PCDHGB6: variants seen among roughly 807,000 people sequenced by gnomAD.
PCDHGB6 encodes protocadherin gamma-B6.
A neutral mutation model predicts 59.1 loss-of-function variants in PCDHGB6; 51 were observed. The observed-to-expected ratio is 0.86, with a 90% CI of 0.69 to 1.09. The LOEUF (loss-of-function observed/expected upper bound fraction) is 1.09, where lower values mean the gene tolerates loss of function less well. Among genes scored for constraint, PCDHGB6 ranks in the 50% least tolerant of loss-of-function variants. PCDHGB6 has a pLI of 0.00. For missense variants in PCDHGB6, 1,148 were observed against 1,205.1 expected, an observed-to-expected ratio of 0.95 and a Z score of 0.70; for synonymous variants, 466 against 495.1, an observed-to-expected ratio of 0.94 and a Z score of 0.78.
chr5:141,422,691 C>A, intron 1 of PCDHGB6: 1 of 1,603,878 alleles, frequency 6.2e-7, no homozygotes, highest in Non-Finnish European at 8.5e-7. Flanking sequence ...ATGCCCTGGT[C>A]ACTTACTCTC....
chr5:141,414,850 C>T, intron 1 of PCDHGB6: 1 of 1,614,212 alleles, frequency 6.2e-7, no homozygotes, highest in Non-Finnish European at 8.5e-7. Flanking sequence ...TGTGCTGGAC[C>T]AGAACGACAA....
At chr5:141,470,078 G>C (rs542998375) in intron 1 of PCDHGB6, among the ~76,000 whole-genome samples, 21 of 152,182 alleles carry the variant, frequency 1.4e-4, no homozygotes, top group Non-Finnish European at 2.9e-4. Context: ...GTAGTGATCT[G>C]AGATCATGCC....
At position 141,476,209 on chromosome 5, in the gene PCDHGB6, G is replaced by A. The variant is rs749576231; in HGVS notation, c.2419-18598G>A. ...TTGGTGCCTTGAACAAGGCTTCCAC[G>A]GTCATTCACTATGAGATCCCGGAGG... On this transcript the variant is annotated intron_variant, in intron 1 of 3. Coordinates refer to ENST00000520790, the MANE Select transcript of PCDHGB6 (RefSeq NM_018926.3). The surrounding 1 kb of genome is among the most constrained non-coding windows in gnomAD (Gnocchi z 7.6). The A allele has an allele frequency of 3.1e-6, 5 of 1,613,974 alleles. No individual in the cohort carries two copies. Among genetic ancestry groups the A allele is most frequent in the Admixed American group, 1.7e-5 (1 of 60,014 alleles).
chr5:141,490,042 G>C lies in PCDHGB6; in HGVS notation c.2419-4765G>C. 1 of 1,614,266 alleles carries C rather than the reference G, an allele frequency of 6.2e-7. No individual in the cohort carries two copies. Among genetic ancestry groups the C allele is most frequent in the Non-Finnish European group, 8.5e-7 (1 of 1,180,038 alleles). The stretch of plus-strand genomic sequence containing the variant: ...TCTGCTGCTCCGCCTCAATGCCACT[G>C]ATCCAGACGAGGGCACCAACGGCCA... On this transcript the variant is annotated intron_variant, in intron 1 of 3. Coordinates refer to ENST00000520790, the MANE Select transcript of PCDHGB6 (RefSeq NM_018926.3). This position sits in a 1 kb window ranked among gnomAD's most constrained non-coding sequence, Gnocchi z 5.4.
chr5:141,410,627 TTC>T lies in PCDHGB6; in HGVS notation c.2418+11_2418+12del. On this transcript the variant is annotated splice_region_variant and intron_variant, in intron 1 of 3. Coordinates refer to ENST00000520790, the MANE Select transcript of PCDHGB6 (RefSeq NM_018926.3). ...TCCTGAGACTCTGACTTCGGTGAGT[TTC>T]TCTTTTTTGTGTGTGATTTATCTAA... 6.2e-7 allele frequency: 1 copy of T among 1,602,046 alleles called. No individual in the cohort carries two copies. The highest frequency in any genetic ancestry group is 1.7e-5 in the Admixed American group (1 of 59,686).
At chr5:141,455,503 T>C (rs1005615473) in intron 1 of PCDHGB6, among the ~76,000 whole-genome samples, 3 of 152,302 alleles carry the variant, frequency 2.0e-5, no homozygotes, top group Middle Eastern at 3.4e-3. Context: ...CTGATTTGCA[T>C]AGGGCTCAGG....
At chr5:141,475,980 C>T (rs758066578) in intron 1 of PCDHGB6, 45 of 1,028,498 alleles carry the variant, frequency 4.4e-5, no homozygotes, top group Non-Finnish European at 6.2e-5. Flanking sequence ...ACTGAACAGC[C>T]GGCGAGCAAA....
intron 1 of PCDHGB6, among the ~76,000 whole-genome samples, chr5:141,461,100 T>C (rs926482549): frequency 1.1e-4 from 16 of 152,062 alleles, no homozygotes; most frequent in African/African-American, 3.6e-4. Context: ...TATAAACATA[T>C]GTGTCCAAGT....
chr5:141,491,109 A>G lies in PCDHGB6; in HGVS notation c.2419-3698A>G, dbSNP rs1039906987. 4.3e-6 allele frequency: 7 copies of G among 1,614,074 alleles called. No individual in the cohort carries two copies. The African/African-American group carries it at 9.3e-5, about 22-fold the overall frequency. ...CCCCAGGACTGTTCCTCGTGTCTAC[A>G]CACACTGGTGAGGTGCGCACAGCCC... On this transcript the variant is annotated intron_variant, in intron 1 of 3. Coordinates refer to ENST00000520790, the MANE Select transcript of PCDHGB6 (RefSeq NM_018926.3). The surrounding 1 kb of genome is among the most constrained non-coding windows in gnomAD (Gnocchi z 6.9).
intron 1 of PCDHGB6, chr5:141,423,339 C>T (rs1393650718): frequency 6.2e-7 from 1 of 1,614,072 alleles, no homozygotes; most frequent in Non-Finnish European, 8.5e-7. Flanking sequence ...TCTCCTGCAT[C>T]TTCCTGGTCT....
At position 141,489,084 on chromosome 5, in the gene PCDHGB6, C is replaced by CCGG; in HGVS notation, c.2419-5723_2419-5722insCGG. ...CTCCCCCCTGCCCACCCCCGCCACT[C>CCGG]GGTGACTAAGAACTGCTGCAAGCAG... On this transcript the variant is annotated intron_variant, in intron 1 of 3. Coordinates refer to ENST00000520790, the MANE Select transcript of PCDHGB6 (RefSeq NM_018926.3). This position sits in a 1 kb window ranked among gnomAD's most constrained non-coding sequence, Gnocchi z 4.5. The CCGG allele has an allele frequency of 3.0e-6, 1 of 329,134 alleles. No homozygotes were observed. The highest frequency in any genetic ancestry group is 2.5e-5 in the African/African-American group (1 of 40,384). 20.4% of individuals were successfully genotyped at this position (329,134 alleles called of 1,614,324 possible). A position where few individuals can be genotyped will look rare whatever the true frequency, so the allele number is the denominator to read the frequency against.
Position 141,438,902 on chromosome 5 carries a change from G to A in PCDHGB6, c.2418+28282G>A, listed in dbSNP as rs185216039. 2.0e-5 allele frequency among the ~76,000 whole-genome samples: 3 copies of A among 151,906 alleles called. No homozygotes were observed. The East Asian group carries it at 5.8e-4, about 29-fold the overall frequency. On this transcript the variant is annotated intron_variant, in intron 1 of 3. Coordinates refer to ENST00000520790, the MANE Select transcript of PCDHGB6 (RefSeq NM_018926.3). ...GCTGCTCTTGAACTCCTGACCTCAGGTGATCCACCTGCCTTGGCCTCCCAA... is the reference window on the plus strand; with the variant it reads ...GCTGCTCTTGAACTCCTGACCTCAGATGATCCACCTGCCTTGGCCTCCCAA...
Position 141,409,337 on chromosome 5 carries a change from A to T in PCDHGB6, c.1135A>T (p.Asn379Tyr). ...AACACGGGATCTGGATTTCGGAGGAAATGGAGAAGTCAGGTGTAATATAGA... is the reference window on the plus strand; with the variant it reads ...AACACGGGATCTGGATTTCGGAGGATATGGAGAAGTCAGGTGTAATATAGA... ...FKTRDLDFGG[N>Y]GEVRCNIETD... The change falls in exon 1 of 4, where the codon AAT becomes TAT. Residue 379 changes from asparagine to tyrosine, a missense_variant. Transcript: ENST00000520790. 1 of 1,614,012 alleles carries T rather than the reference A, an allele frequency of 6.2e-7. No individual in the cohort carries two copies. The highest frequency in any genetic ancestry group is 8.5e-7 in the Non-Finnish European group (1 of 1,179,900).
At position 141,409,752 on chromosome 5, in the gene PCDHGB6, A is replaced by T; in HGVS notation, c.1550A>T (p.Gln517Leu). ...VSAQSGVVFA[Q>L]RAFDHEQLRA... ...GCGCAGAGCGGGGTGGTGTTCGCGC[A>T]GCGCGCCTTTGATCACGAGCAGCTG... is the stretch of plus-strand genomic sequence containing the variant. The change falls in exon 1 of 4, where the codon CAG becomes CTG. Residue 517 changes from glutamine to leucine, a missense_variant. Physicochemically the swap from Gln to Leu is moderately radical, Grantham distance 113. Around this residue, in one of 5 missense-constraint regions of PCDHGB6, gnomAD observed 549 missense variants for 527.5 expected, o/e 1.04. Coordinates refer to ENST00000520790, the MANE Select transcript of PCDHGB6 (RefSeq NM_018926.3). 3 of 1,613,020 alleles carry T rather than the reference A, an allele frequency of 1.9e-6. No homozygotes were observed. The highest frequency in any genetic ancestry group is 2.5e-6 in the Non-Finnish European group (3 of 1,179,850).
At chr5:141,467,455 GCTAGTA>G (rs2099144342) in intron 1 of PCDHGB6, among the ~76,000 whole-genome samples, 1 of 152,192 alleles carries the variant, frequency 6.6e-6, no homozygotes, top group African/African-American at 2.4e-5. Context: ...TTCTTCCAGT[GCTAGTA>G]CTTGCATGGT....
At chr5:141,502,231 G>A (rs2099813372) in intron 2 of PCDHGB6, among the ~76,000 whole-genome samples, 1 of 152,172 alleles carries the variant, frequency 6.6e-6, no homozygotes, top group Non-Finnish European at 1.5e-5. Context: ...TGTTCTGTGT[G>A]TTCTTTTATC....
At chr5:141,455,128 T>C (rs2098813900) in intron 1 of PCDHGB6, among the ~76,000 whole-genome samples, 2 of 151,962 alleles carry the variant, frequency 1.3e-5, no homozygotes, top group Admixed American at 6.6e-5. Context: ...ATGTTTTAAA[T>C]TACACTGTGT....
chr5:141,485,666 A>G lies in PCDHGB6; in HGVS notation c.2419-9141A>G. ...GGCTCAGGATGCAGATGTGGGGAGC[A>G]ATTCGATTAGCAGCTATAGGCTGAG... On this transcript the variant is annotated intron_variant, in intron 1 of 3. Coordinates refer to ENST00000520790, the MANE Select transcript of PCDHGB6 (RefSeq NM_018926.3). The surrounding 1 kb of genome is among the most constrained non-coding windows in gnomAD (Gnocchi z 5.7). 1 of 1,612,786 alleles carries G rather than the reference A, an allele frequency of 6.2e-7. No homozygotes were observed. Among genetic ancestry groups the G allele is most frequent in the Non-Finnish European group, 8.5e-7 (1 of 1,178,960 alleles).
chr5:141,494,929 GGA>G, intron 2 of PCDHGB6, 64 bp downstream of exon 2: 1 of 1,613,142 alleles, frequency 6.2e-7, no homozygotes, highest in Non-Finnish European at 8.5e-7. Flanking sequence ...TGACGTGGGA[GGA>G]GATGGGGGAG....
Sources: allele counts gnomAD v4.1 joint callset (sites outside exome capture counted in the v4.1 genomes callset), GRCh38; gene constraint gnomAD v4.1.1; regional missense constraint gnomAD v4.1.1; non-coding constraint Gnocchi (gnomAD v3.1); transcripts MANE v1.5; gene names NCBI Gene and HGNC (gene_info 2026-07-23, HGNC 2026-07-21).